The following KCNG2 variants were observed in gnomAD, a reference collection of about 807,000 sequenced individuals.
The protein encoded by KCNG2 is potassium voltage-gated channel modifier subfamily G member 2.
In KCNG2, 7 loss-of-function variants were observed where a neutral mutation model predicts 12.3. The ratio of observed to expected loss-of-function variants is 0.57; its 90% confidence interval spans 0.32 to 1.07. KCNG2 has a LOEUF of 1.07. KCNG2 is among the 50% of genes least tolerant of loss of function. The pLI is 0.04. For synonymous variants in KCNG2, 414 were observed against 351.4 expected (o/e 1.18, Z -1.99); for missense variants, 703 against 726.0 (o/e 0.97, Z 0.36).
At chr18:79,820,929 T>G (rs2087565563) in intron 1 of KCNG2, among the ~76,000 whole-genome samples, 1 of 152,150 alleles carries the variant, frequency 6.6e-6, no homozygotes, top group Non-Finnish European at 1.5e-5. Context: ...ATTACAGGTG[T>G]GAGCCACCAT....
chr18:79,847,806 G>A (rs1413620044), intron 1 of KCNG2, among the ~76,000 whole-genome samples: 1 of 152,206 alleles, frequency 6.6e-6, no homozygotes, highest in Admixed American at 6.5e-5. Context: ...GCGGCAGTGG[G>A]GCCACGTGTC....
At chr18:79,871,233 C>T (rs1227654335) in intron 3 of KCNG2, among the ~76,000 whole-genome samples, 8 of 152,226 alleles carry the variant, frequency 5.3e-5, no homozygotes, top group South Asian at 4.1e-4. Flanking sequence ...GCTGACAAAT[C>T]GCACCTCCCG....
rs1345119723 is a variant in KCNG2 at position 79,864,176 on chromosome 18, C to G, written c.509C>G (p.Pro170Arg). ...CGCCTGCGCGACGTGGTGGACAACC[C>G]GCACTCGGGGCTGGCGGGCAAGCTC... ...RRRLRDVVDN[P>R]HSGLAGKLFA... Residue 170 changes from proline to arginine, a missense_variant, in exon 3 of 4, where the codon CCG (proline) becomes CGG (arginine). Coordinates refer to ENST00000316249, the MANE Select transcript of KCNG2 (RefSeq NM_012283.2). 6.6e-7 allele frequency: 1 copy of G among 1,514,032 alleles called. No homozygotes were observed. Among genetic ancestry groups the G allele is most frequent in the East Asian group, 2.9e-5 (1 of 34,054 alleles). The allele number at this position is 1,514,032 out of a possible 1,614,324, so 93.8% of individuals were successfully genotyped here. A position where few individuals can be genotyped will look rare whatever the true frequency, so the allele number is the denominator to read the frequency against.
At chr18:79,854,050 A>G (rs1978919722) in intron 1 of KCNG2, among the ~76,000 whole-genome samples, 1 of 152,162 alleles carries the variant, frequency 6.6e-6, no homozygotes, top group East Asian at 1.9e-4. Flanking sequence ...CCTGGTTCCA[A>G]CCCCGTTCTG....
In KCNG2 at chr18:79,851,733, G is replaced by A. The variant is rs142469702; in HGVS notation, c.-114-4646G>A. 2.8e-5 allele frequency among the ~76,000 whole-genome samples: 4 copies of A among 144,778 alleles called. No homozygotes were observed. In the East Asian group the frequency reaches 6.3e-4, roughly 23 times the overall value. The allele number at this position is 144,778 out of a possible 152,430, so 95.0% of individuals were successfully genotyped here. A position where few individuals can be genotyped will look rare whatever the true frequency, so the allele number is the denominator to read the frequency against. On this transcript the variant is annotated intron_variant, in intron 1 of 3. Coordinates refer to ENST00000316249, the MANE Select transcript of KCNG2 (RefSeq NM_012283.2). ...TGTGTGAACGTGCATGTGTGTGAAT[G>A]TGTATGCCTGTGTGAATGTATGTGT...
chr18:79,888,880 T>C (rs1980648835), intron 3 of KCNG2, among the ~76,000 whole-genome samples: 1 of 152,108 alleles, frequency 6.6e-6, no homozygotes, highest in South Asian at 2.1e-4. Flanking sequence ...GTTTTCACCA[T>C]GTTACTCAGG....
At chr18:79,825,448 G>C (rs2087606282) in intron 1 of KCNG2, among the ~76,000 whole-genome samples, 1 of 152,212 alleles carries the variant, frequency 6.6e-6, no homozygotes, top group Admixed American at 6.5e-5. Context: ...GCTGATGTCT[G>C]GGTCCATAAA....
At position 79,863,819 on chromosome 18, in the gene KCNG2, G is replaced by A. The variant is rs1348550516; in HGVS notation, c.152G>A (p.Gly51Asp). 2 of 1,370,658 alleles carry A rather than the reference G, an allele frequency of 1.5e-6. No individual in the cohort carries two copies. Among genetic ancestry groups the A allele is most frequent in the Non-Finnish European group, 1.9e-6 (2 of 1,056,072 alleles). 84.9% of individuals were successfully genotyped at this position (1,370,658 alleles called of 1,614,324 possible). ...ARLERLRACRGHDDLLRVCDD... is the reference protein window; with the variant it reads ...ARLERLRACRDHDDLLRVCDD... ...CTGGAGCGCCTGCGCGCCTGCCGCG[G>A]CCACGACGACCTGCTGCGCGTGTGT... The change falls in exon 3 of 4, where the codon GGC becomes GAC. Residue 51 changes from glycine (G) to aspartate (D), a missense_variant. Transcript: ENST00000316249.
rs1324656547 is a variant in KCNG2 at position 79,899,770 on chromosome 18, T to A, written c.1355T>A (p.Leu452Gln). 3 of 1,507,158 alleles carry A rather than the reference T, an allele frequency of 2.0e-6. No homozygotes were observed. The highest frequency in any genetic ancestry group is 2.6e-6 in the Non-Finnish European group (3 of 1,136,628). 93.4% of individuals were successfully genotyped at this position (1,507,158 alleles called of 1,614,324 possible). A position where few individuals can be genotyped will look rare whatever the true frequency, so the allele number is the denominator to read the frequency against. The stretch of plus-strand genomic sequence containing the variant: ...TCGCAGGGCCCCGACAGCGCGGGCC[T>A]GGCCGACGACTCCGCGGATGCGCTG... ...DSSQGPDSAG[L>Q]ADDSADALWV... Residue 452 changes from leucine to glutamine, a missense_variant, in exon 4 of 4, where the codon CTG (leucine) becomes CAG (glutamine). Physicochemically the swap from Leu to Gln is moderately radical, Grantham distance 113 (BLOSUM62 -2). Transcript: ENST00000316249.
At chr18:79,892,511 C>T (rs1980778985) in intron 3 of KCNG2, among the ~76,000 whole-genome samples, 1 of 152,222 alleles carries the variant, frequency 6.6e-6, no homozygotes, top group Admixed American at 6.5e-5. Context: ...GTTGTTCACT[C>T]CATTCACATC....
At chr18:79,818,343 C>T (rs1007930431) in intron 1 of KCNG2, among the ~76,000 whole-genome samples, 1 of 152,214 alleles carries the variant, frequency 6.6e-6, no homozygotes, top group Non-Finnish European at 1.5e-5. Flanking sequence ...GGCTGGAGGC[C>T]CGGCCCATGC....
At chr18:79,832,360 T>TCCATCCTCACCTGCACTCACCTGC (rs1245668326) in intron 1 of KCNG2, among the ~76,000 whole-genome samples, 2 of 147,844 alleles carry the variant, frequency 1.4e-5, no homozygotes, top group African/African-American at 2.5e-5. Flanking sequence ...TCCTCACCTG[T>TCCATCCTCACCTGCACTCACCTGC]CCATCCTCAC....
chr18:79,885,558 G>A (rs1253876023), intron 3 of KCNG2, among the ~76,000 whole-genome samples: 2 of 152,196 alleles, frequency 1.3e-5, no homozygotes, highest in South Asian at 2.1e-4. Flanking sequence ...CAGCCCGGGC[G>A]CTCCTGCCCC....
intron 1 of KCNG2, among the ~76,000 whole-genome samples, chr18:79,849,947 T>G (rs1379510276): frequency 6.6e-6 from 1 of 151,714 alleles, no homozygotes; most frequent in African/African-American, 2.4e-5. Context: ...CCAGGCTCAG[T>G]GGGAGGGAAC....
rs554174065 is a variant in KCNG2, at chr18:79,803,205, A to T, written c.-115+5191A>T. ...AAAAAAAATAGTTAACACTCATGAG[A>T]TTGCCTGATCACCTCTGTAGTCACA... On this transcript the variant is annotated intron_variant, in intron 1 of 3. Coordinates refer to ENST00000316249, the MANE Select transcript of KCNG2 (RefSeq NM_012283.2). The surrounding 1 kb of genome is among the most constrained non-coding windows in gnomAD (Gnocchi z 4.5). Among the ~76,000 whole-genome samples, 47 of 152,078 alleles carry T rather than the reference A, an allele frequency of 3.1e-4. No individual in the cohort carries two copies. Among genetic ancestry groups the T allele is most frequent in the Non-Finnish European group, 6.3e-4 (43 of 67,986 alleles).
chr18:79,812,767 G>A (rs755077774), intron 1 of KCNG2, among the ~76,000 whole-genome samples: 21 of 152,072 alleles, frequency 1.4e-4, no homozygotes, highest in Non-Finnish European at 2.4e-4. Context: ...AGGCTGAGGC[G>A]CGAGAATCAC....
chr18:79,825,753 C>T (rs1288224814), intron 1 of KCNG2, among the ~76,000 whole-genome samples: 1 of 152,232 alleles, frequency 6.6e-6, no homozygotes, highest in Non-Finnish European at 1.5e-5. Flanking sequence ...AAATTAGAAT[C>T]GTTTTTATTC....
chr18:79,896,289 T>G (rs1209701125), intron 3 of KCNG2, among the ~76,000 whole-genome samples: 1 of 152,238 alleles, frequency 6.6e-6, no homozygotes, highest in Non-Finnish European at 1.5e-5. Flanking sequence ...TTAAAGTTTT[T>G]TTTTTTTTTA....
At chr18:79,852,035 C>G (rs1450108484) in intron 1 of KCNG2, among the ~76,000 whole-genome samples, 3 of 152,150 alleles carry the variant, frequency 2.0e-5, no homozygotes, top group African/African-American at 4.8e-5. Flanking sequence ...CCTTGCGGAC[C>G]GCGGCACTCA....
Sources: allele counts gnomAD v4.1 joint callset (sites outside exome capture counted in the v4.1 genomes callset), GRCh38; gene constraint gnomAD v4.1.1; non-coding constraint Gnocchi (gnomAD v3.1); transcripts MANE v1.5; gene names NCBI Gene and HGNC (gene_info 2026-07-23, HGNC 2026-07-21).